The following SGCZ variants were observed in gnomAD, a reference collection of about 807,000 sequenced individuals.
SGCZ encodes sarcoglycan zeta, also known as zeta-sarcoglycan.
Under a neutral mutation model 41.3 loss-of-function variants are expected in SGCZ, and 40 were observed. The ratio of observed to expected loss-of-function variants is 0.97; its 90% CI spans 0.75 to 1.26. SGCZ has a LOEUF of 1.26. SGCZ is among the 50% of genes most tolerant of loss of function. The pLI, the probability that SGCZ is intolerant of heterozygous loss-of-function variation, is 0.00. For synonymous variants in SGCZ, 206 were observed against 137.5 expected, an observed-to-expected ratio of 1.50 and a Z score of -3.49; for missense variants, 552 against 369.8, an observed-to-expected ratio of 1.49 and a Z score of -4.04.
At chr8:15,038,956 G>A (rs184332953) in intron 1 of SGCZ, among the ~76,000 whole-genome samples, 1 of 152,160 alleles carries the variant, frequency 6.6e-6, no homozygotes, top group East Asian at 1.9e-4. Flanking sequence ...TGCTAGGATG[G>A]CTATTACTAA....
intron 7 of SGCZ, among the ~76,000 whole-genome samples, chr8:14,101,701 G>A (rs1170481168): frequency 6.6e-6 from 1 of 150,728 alleles, no homozygotes; most frequent in Non-Finnish European, 1.5e-5. Context: ...ATAAATAAAG[G>A]CACTCTTTCT....
intron 1 of SGCZ, among the ~76,000 whole-genome samples, chr8:15,172,157 T>TTTG (rs1799853420): frequency 2.2e-5 from 2 of 90,422 alleles, no homozygotes; most frequent in East Asian, 3.1e-4. Context: ...ATACTCTGTT[T>TTTG]TTTTTTTTTT....
In SGCZ at chr8:15,192,909, T is replaced by G. The variant is rs966045002; in HGVS notation, c.39+44676A>C. On this transcript the variant is annotated intron_variant, in intron 1 of 7. Transcript: ENST00000382080. ...AAAAGGAACATTTAAAAAAATATAT[T>G]GGACTAAGGATTCCCAAAGACAGAG... Among the ~76,000 whole-genome samples, 14 of 152,172 alleles carry G rather than the reference T, an allele frequency of 9.2e-5. No homozygotes were observed. In the East Asian group the frequency reaches 2.7e-3, roughly 29 times the overall value.
intron 4 of SGCZ, among the ~76,000 whole-genome samples, chr8:14,217,786 C>G (rs142519839): frequency 6.6e-6 from 1 of 151,768 alleles, no homozygotes; most frequent in Admixed American, 6.6e-5. Context: ...AACACCACCA[C>G]GCCCAGCTAA....
intron 1 of SGCZ, among the ~76,000 whole-genome samples, chr8:15,136,487 T>C (rs987464292): frequency 6.6e-6 from 1 of 151,964 alleles, no homozygotes; most frequent in African/African-American, 2.4e-5. Flanking sequence ...GGCATTGATA[T>C]TGTTTGGCTG....
intron 1 of SGCZ, among the ~76,000 whole-genome samples, chr8:14,730,450 T>C (rs1366288201): frequency 6.6e-6 from 1 of 152,154 alleles, no homozygotes; most frequent in Non-Finnish European, 1.5e-5. Context: ...TGTTCTATTT[T>C]TTTTTCTTAT....
intron 1 of SGCZ, among the ~76,000 whole-genome samples, chr8:14,825,344 A>T (rs1217214744): frequency 6.6e-6 from 1 of 152,174 alleles, no homozygotes; most frequent in Non-Finnish European, 1.5e-5. Flanking sequence ...ACCTAATAGA[A>T]TCTTTACAAT....
intron 4 of SGCZ, among the ~76,000 whole-genome samples, chr8:14,223,712 A>G (rs1032042592): frequency 6.6e-6 from 1 of 152,196 alleles, no homozygotes; most frequent in Non-Finnish European, 1.5e-5. Flanking sequence ...CCACCTGCCT[A>G]TTCTGATAAA....
chr8:14,783,758 G>A (rs1056658392), intron 1 of SGCZ, among the ~76,000 whole-genome samples: 5 of 151,900 alleles, frequency 3.3e-5, no homozygotes, highest in African/African-American at 1.2e-4. Context: ...TTAGTCATTT[G>A]GAAATAACTG....
chr8:14,963,832 T>C lies in SGCZ; in HGVS notation c.39+273753A>G, dbSNP rs186224375. Among the ~76,000 whole-genome samples the C allele has an allele frequency of 2.0e-5, 3 of 152,290 alleles. No individual in the cohort carries two copies. The East Asian group carries it at 5.8e-4, about 29-fold the overall frequency. ...ATTCCTCTGTAGGAGAGATCACTCA[T>C]TGCAACCCCAAAGTTTCACGCTTTC... On this transcript the variant is annotated intron_variant, in intron 1 of 7. Transcript: ENST00000382080.
At chr8:14,975,999 TAC>T (rs1491519034) in intron 1 of SGCZ, among the ~76,000 whole-genome samples, 6 of 100,940 alleles carry the variant, frequency 5.9e-5, no homozygotes, top group South Asian at 7.2e-4. Context: ...TATATATATA[TAC>T]ATATATATAT....
chr8:14,434,540 C>G (rs985603874), intron 2 of SGCZ, among the ~76,000 whole-genome samples: 2 of 152,048 alleles, frequency 1.3e-5, no homozygotes, highest in South Asian at 4.1e-4. Context: ...TGCATTGAAT[C>G]TGTAGATTGC....
intron 1 of SGCZ, among the ~76,000 whole-genome samples, chr8:15,014,689 A>G (rs1156790865): frequency 1.3e-5 from 2 of 152,182 alleles, no homozygotes; most frequent in African/African-American, 4.8e-5. Flanking sequence ...CTAGTCCTTC[A>G]GTGCACACTA....
intron 1 of SGCZ, among the ~76,000 whole-genome samples, chr8:14,833,143 G>C (rs2130606585): frequency 6.6e-6 from 1 of 152,068 alleles, no homozygotes; most frequent in East Asian, 1.9e-4. Context: ...TCCATTACAG[G>C]AATAATGTAG....
intron 1 of SGCZ, among the ~76,000 whole-genome samples, chr8:15,002,981 C>G (rs1327874275): frequency 1.2e-4 from 18 of 151,632 alleles, no homozygotes; most frequent in African/African-American, 3.9e-4. Flanking sequence ...AAGGGGAGTT[C>G]CCCTGCACGT....
At chr8:14,478,016 G>A (rs950940862) in intron 2 of SGCZ, among the ~76,000 whole-genome samples, 1 of 152,202 alleles carries the variant, frequency 6.6e-6, no homozygotes, top group Non-Finnish European at 1.5e-5. Context: ...TTATGAAGAA[G>A]GAACCTGATG....
rs10655274 is a variant in SGCZ at position 14,369,021 on chromosome 8, ATGTGTGTGTG to A, written c.235-44827_235-44818del. On this transcript the variant is annotated intron_variant, in intron 2 of 7. Coordinates refer to ENST00000382080, the MANE Select transcript of SGCZ (RefSeq NM_139167.4). ...TGTCAGAAAACAGAGGCAAATGTAA[ATGTGTGTGTG>A]TGTGTGTGTGTGTGTGTGTGTGTAT... is the stretch of plus-strand genomic sequence containing the variant. Among the ~76,000 whole-genome samples, 1,409 of 145,522 alleles carry A rather than the reference ATGTGTGTGTG, an allele frequency of 9.7e-3. 20 individuals are homozygous for A. Among genetic ancestry groups the A allele is most frequent in the African/African-American group, 0.032 (1,290 of 39,856 alleles).
At chr8:14,210,104 CTG>C (rs1418910767) in intron 4 of SGCZ, among the ~76,000 whole-genome samples, 1 of 152,154 alleles carries the variant, frequency 6.6e-6, no homozygotes, top group Non-Finnish European at 1.5e-5. Flanking sequence ...GTCGCCCAGA[CTG>C]GAACGCAGTT....
rs185890961 is a variant in SGCZ, at chr8:14,952,211, T to C, written c.39+285374A>G. Among the ~76,000 whole-genome samples, 620 of 152,312 alleles carry C rather than the reference T, an allele frequency of 4.1e-3. 5 individuals are homozygous for C. Among genetic ancestry groups the C allele is most frequent in the South Asian group, 0.017 (84 of 4,826 alleles). On this transcript the variant is annotated intron_variant, in intron 1 of 7. Coordinates refer to ENST00000382080, the MANE Select transcript of SGCZ (RefSeq NM_139167.4). Reference sequence around the variant, plus strand: ...CATAATCTGAATTATCATTACTGTTTTGTTATGTCACCAAGAAAACAGGAA... The same window carrying C: ...CATAATCTGAATTATCATTACTGTTCTGTTATGTCACCAAGAAAACAGGAA...
Sources: gnomAD v4.1 joint callset for allele counts (sites outside exome capture counted in the v4.1 genomes callset) on GRCh38, gnomAD v4.1.1 for gene constraint, MANE v1.5 for transcripts, NCBI Gene and HGNC (gene_info 2026-07-23, HGNC 2026-07-21) for gene names.